CMC1: variants seen among roughly 807,000 people sequenced by gnomAD.
The protein encoded by CMC1 is C-X9-C motif containing 1.
In CMC1, 14 loss-of-function variants were observed where a neutral mutation model predicts 14.1. The observed-to-expected ratio is 0.99, with a 90% CI of 0.66 to 1.55. The LOEUF is 1.55. Ranked by LOEUF, CMC1 falls within the 40% of genes most tolerant of loss-of-function variation. The pLI is 0.00. For synonymous variants in CMC1, 50 were observed against 38.4 expected (o/e 1.30, Z -1.12); for missense variants, 127 against 123.8 (o/e 1.03, Z -0.12).
At chr3:28,249,976 G>A (rs1443207091) in intron 1 of CMC1, among the ~76,000 whole-genome samples, 1 of 152,044 alleles carries the variant, frequency 6.6e-6, no homozygotes, top group Non-Finnish European at 1.5e-5. Context: ...GAGGGAGGAG[G>A]AGGAGAGAAC....
At chr3:28,315,657 C>A (rs1168472321) in intron 2 of CMC1, among the ~76,000 whole-genome samples, 1 of 152,142 alleles carries the variant, frequency 6.6e-6, no homozygotes, top group East Asian at 1.9e-4. Flanking sequence ...CACTGCATGA[C>A]AGTGTTTAGG....
intron 1 of CMC1, among the ~76,000 whole-genome samples, chr3:28,256,009 A>G (rs1182036783): frequency 6.6e-6 from 1 of 152,198 alleles, no homozygotes; most frequent in African/African-American, 2.4e-5. Context: ...TACAAAATTG[A>G]AACAATAGTT....
chr3:28,291,510 A>G (rs992000153), intron 2 of CMC1, among the ~76,000 whole-genome samples: 1 of 152,166 alleles, frequency 6.6e-6, no homozygotes, highest in East Asian at 1.9e-4. Context: ...TCTTCAATTT[A>G]TCTCTTCTGT....
intron 2 of CMC1, among the ~76,000 whole-genome samples, chr3:28,312,156 T>C (rs1192105633): frequency 1.3e-5 from 2 of 152,216 alleles, no homozygotes; most frequent in Non-Finnish European, 2.9e-5. Flanking sequence ...AATTCTAAAC[T>C]GTATTGGTAT....
intron 2 of CMC1, among the ~76,000 whole-genome samples, chr3:28,285,051 A>T (rs1261240933): frequency 6.6e-6 from 1 of 152,204 alleles, no homozygotes. Context: ...TATGGATTCT[A>T]ATCCAAATGA....
rs181001524 is a variant in CMC1, at chr3:28,289,212, C to T, written c.109+25832C>T. 8.6e-5 allele frequency among the ~76,000 whole-genome samples: 13 copies of T among 151,646 alleles called. No homozygotes were observed. In the East Asian group the frequency reaches 2.5e-3, roughly 29 times the overall value. On this transcript the variant is annotated intron_variant, in intron 2 of 3. Transcript: ENST00000466830. ...AGTCTCGATGAGTGCTCTAAAAATT[C>T]TGAAAGAATTTTTTTAGTTAAATTC...
rs142994186 is a variant in CMC1, at chr3:28,314,904, C to A, written c.110-1429C>A. 176 of 152,186 alleles carry A rather than the reference C, an allele frequency of 1.2e-3. 1 individual carries two copies. The highest frequency in any genetic ancestry group is 3.9e-3 in the African/African-American group (162 of 41,534). The allele number at this position is 152,186 out of a possible 1,614,324, so 9.4% of individuals were successfully genotyped here. Reference sequence around the variant, plus strand: ...AAGACAATTATAAATAATTTATAATCCCAAGTACCTGGAAGGATAACACAT... The same window carrying A: ...AAGACAATTATAAATAATTTATAATACCAAGTACCTGGAAGGATAACACAT... On this transcript the variant is annotated intron_variant, in intron 2 of 3. Coordinates refer to ENST00000466830, the MANE Select transcript of CMC1 (RefSeq NM_182523.2).
At chr3:28,269,991 T>G (rs781006754) in intron 2 of CMC1, among the ~76,000 whole-genome samples, 4 of 152,230 alleles carry the variant, frequency 2.6e-5, no homozygotes, top group Admixed American at 6.5e-5. Context: ...TTCTCATTGT[T>G]CAGCTCCCAC....
chr3:28,317,336 G>T (rs989236949), intron 3 of CMC1: 13 of 151,660 alleles, frequency 8.6e-5, no homozygotes, highest in East Asian at 1.9e-4. Flanking sequence ...AATCAATATT[G>T]ATTTTTTTTC....
chr3:28,241,725 C>T lies in CMC1; in HGVS notation c.-69C>T, dbSNP rs1698521463. The T allele has an allele frequency of 3.2e-6, 4 of 1,240,716 alleles. No individual in the cohort carries two copies. The highest frequency in any genetic ancestry group is 4.0e-6 in the Non-Finnish European group (4 of 988,036). The allele number at this position is 1,240,716 out of a possible 1,614,324, so 76.9% of individuals were successfully genotyped here. Reference sequence around the variant, plus strand: ...CGCACGTGCGTCCGAGCCCAAGCCCCTCCCCTCCACTCCCCTTCCTGCGTG... The same window carrying T: ...CGCACGTGCGTCCGAGCCCAAGCCCTTCCCCTCCACTCCCCTTCCTGCGTG... On this transcript the variant is annotated 5_prime_UTR_variant, in exon 1 of 4. Coordinates refer to ENST00000466830, the MANE Select transcript of CMC1 (RefSeq NM_182523.2).
intron 2 of CMC1, among the ~76,000 whole-genome samples, chr3:28,282,792 T>C (rs1192853088): frequency 6.6e-6 from 1 of 152,222 alleles, no homozygotes; most frequent in African/African-American, 2.4e-5. Context: ...TGATTCTTCA[T>C]CATAACCTTA....
At chr3:28,300,904 C>T (rs1009286989) in intron 2 of CMC1, among the ~76,000 whole-genome samples, 1 of 151,268 alleles carries the variant, frequency 6.6e-6, no homozygotes, top group Non-Finnish European at 1.5e-5. Flanking sequence ...CCATTATGTA[C>T]TTGCAGACAT....
At chr3:28,292,222 T>C (rs1388242043) in intron 2 of CMC1, among the ~76,000 whole-genome samples, 6 of 152,156 alleles carry the variant, frequency 3.9e-5, no homozygotes, top group Admixed American at 1.3e-4. Flanking sequence ...ATCACCCTTT[T>C]ATGGCATAGG....
At chr3:28,277,404 A>C (rs2125506306) in intron 2 of CMC1, among the ~76,000 whole-genome samples, 1 of 152,300 alleles carries the variant, frequency 6.6e-6, no homozygotes, top group African/African-American at 2.4e-5. Flanking sequence ...TGTGGAATGT[A>C]CTCATTTAAA....
At chr3:28,274,906 T>C (rs570926315) in intron 2 of CMC1, among the ~76,000 whole-genome samples, 1 of 152,234 alleles carries the variant, frequency 6.6e-6, no homozygotes, top group African/African-American at 2.4e-5. Context: ...TTTATACTTG[T>C]TGCAAATTCT....
At chr3:28,250,120 AG>A (rs1699060909) in intron 1 of CMC1, among the ~76,000 whole-genome samples, 1 of 152,206 alleles carries the variant, frequency 6.6e-6, no homozygotes, top group Non-Finnish European at 1.5e-5. Flanking sequence ...ATTGAGGGTT[AG>A]GGATTCAACA....
intron 1 of CMC1, among the ~76,000 whole-genome samples, chr3:28,243,057 CT>C (rs148008864): frequency 1.1e-4 from 17 of 148,938 alleles, no homozygotes; most frequent in Admixed American, 2.0e-4. Context: ...TTTATGGTAT[CT>C]TTTTTTTTTA....
chr3:28,283,005 C>A (rs1700975999), intron 2 of CMC1, among the ~76,000 whole-genome samples: 1 of 152,110 alleles, frequency 6.6e-6, no homozygotes, highest in Non-Finnish European at 1.5e-5. Context: ...TTTTGACTTT[C>A]TGAACTTTGC....
chr3:28,314,709 A>G (rs1213919858), intron 2 of CMC1, among the ~76,000 whole-genome samples: 1 of 152,066 alleles, frequency 6.6e-6, no homozygotes, highest in Non-Finnish European at 1.5e-5. Flanking sequence ...TATCACTATG[A>G]TGTTGTGAGT....
Sources: allele counts gnomAD v4.1 joint callset (sites outside exome capture counted in the v4.1 genomes callset), GRCh38; gene constraint gnomAD v4.1.1; transcripts MANE v1.5; gene names NCBI Gene and HGNC (gene_info 2026-07-23, HGNC 2026-07-21).